LCOR: variants seen among roughly 807,000 people sequenced by gnomAD.
LCOR encodes the protein ligand dependent nuclear receptor corepressor, also known as ligand-dependent corepressor.
LCOR carries 14 observed loss-of-function variants against 64.4 expected under a neutral mutation model. That is an observed-to-expected ratio of 0.22 (90% CI 0.14 to 0.34). The LOEUF is 0.34. Among genes scored for constraint, LCOR ranks in the 10% least tolerant of loss-of-function variants. The probability of loss-of-function intolerance (pLI) is 1.00; values close to 1 mark genes in which losing one functional copy is unlikely to be tolerated. For synonymous variants in LCOR, 643 were observed against 642.5 expected, an observed-to-expected ratio of 1.00 and a Z score of -0.01; for missense variants, 1,686 against 1,765.3, an observed-to-expected ratio of 0.96 and a Z score of 0.80.
chr10:96,909,841 T>A (rs751570959), intron 4 of LCOR, among the ~76,000 whole-genome samples: 24 of 152,160 alleles, frequency 1.6e-4, no homozygotes, highest in Non-Finnish European at 3.1e-4. Flanking sequence ...TGAGTTAAAC[T>A]TCCAGTGAAA....
chr10:96,843,306 T>G (rs1443371085), intron 2 of LCOR, among the ~76,000 whole-genome samples: 1 of 152,130 alleles, frequency 6.6e-6, no homozygotes, highest in Non-Finnish European at 1.5e-5. Context: ...TGTTTTGTTT[T>G]GTTTTTGGTA....
intron 7 of LCOR, chr10:96,958,675 T>C (rs2134539798): frequency 2.1e-6 from 1 of 467,442 alleles, no homozygotes; most frequent in East Asian, 3.2e-5. Flanking sequence ...AGATCAGTCA[T>C]GACTTGATAT....
intron 4 of LCOR, among the ~76,000 whole-genome samples, chr10:96,920,227 G>T (rs1345410101): frequency 6.6e-6 from 1 of 151,578 alleles, no homozygotes. Context: ...TCTCGTTGTG[G>T]TTTTGGTTTG....
At chr10:96,891,530 C>CTTTTTTTTTTTTTT (rs71007307) in intron 2 of LCOR, among the ~76,000 whole-genome samples, 1 of 7,638 alleles carries the variant, frequency 1.3e-4, no homozygotes, top group African/African-American at 4.1e-4. Context: ...TGTCTTGACT[C>CTTTTTTTTTTTTTT]TTTTTTTTTT....
At chr10:96,955,947 G>C (rs532863252) in intron 7 of LCOR, 2 of 1,593,328 alleles carry the variant, frequency 1.3e-6, no homozygotes, top group East Asian at 4.5e-5. Context: ...GCCAATTACT[G>C]TACAAACTGG....
chr10:96,970,629 T>TTTTATTTTATTTTATTTTATTTTA (rs1386294952), intron 7 of LCOR, among the ~76,000 whole-genome samples: 2 of 114,820 alleles, frequency 1.7e-5, no homozygotes, highest in African/African-American at 8.6e-5. Context: ...ATTTTATTTA[T>TTTTATTTTATTTTATTTTATTTTA]TTTATTTTAT....
rs867233145 is a variant in LCOR, at chr10:96,897,873, T to A, written c.-329-9392T>A. ...GCTGGAGCAGAAAGCCATCTTTTTTTTTTTTTTTTTTTTGTTTGGTCAGAT... is the reference window on the plus strand; with the variant it reads ...GCTGGAGCAGAAAGCCATCTTTTTTATTTTTTTTTTTTTGTTTGGTCAGAT... On this transcript the variant is annotated intron_variant, in intron 2 of 7. Coordinates refer to ENST00000421806, the MANE Select transcript of LCOR (RefSeq NM_001346516.2). Among the ~76,000 whole-genome samples, 900 of 147,284 alleles carry A rather than the reference T, an allele frequency of 6.1e-3. 7 individuals carry two copies. Among genetic ancestry groups the A allele is most frequent in the African/African-American group, 0.021 (854 of 40,922 alleles).
At chr10:96,915,756 C>G in intron 4 of LCOR, 1 of 636,346 alleles carries the variant, frequency 1.6e-6, no homozygotes, top group Non-Finnish European at 3.0e-6. Context: ...GGTACCTTCT[C>G]TCCCTCCTTT....
intron 2 of LCOR, among the ~76,000 whole-genome samples, chr10:96,857,022 A>G (rs1005681935): frequency 6.6e-6 from 1 of 151,620 alleles, no homozygotes; most frequent in African/African-American, 2.4e-5. Context: ...CCATTCTCTT[A>G]CTCTTTTTTT....
chr10:96,897,759 G>A (rs12265203), intron 2 of LCOR, among the ~76,000 whole-genome samples: 9,332 of 151,658 alleles, frequency 0.062, 614 homozygotes, highest in East Asian at 0.28. Context: ...GCTGCTGTTT[G>A]TGGGCCAGCA....
chr10:96,835,554 T>G lies in LCOR; in HGVS notation c.-330+2075T>G, dbSNP rs557808491. ...AAGAACTTTCTATATTTAAAAGGACTGGCAGTGATCCTTAGGCAATTCAAA... is the reference window on the plus strand; with the variant it reads ...AAGAACTTTCTATATTTAAAAGGACGGGCAGTGATCCTTAGGCAATTCAAA... On this transcript the variant is annotated intron_variant, in intron 2 of 7. Coordinates refer to ENST00000421806, the MANE Select transcript of LCOR (RefSeq NM_001346516.2). 7.9e-5 allele frequency among the ~76,000 whole-genome samples: 12 copies of G among 152,324 alleles called. No homozygotes were observed. The East Asian group carries it at 2.1e-3, about 27-fold the overall frequency.
At position 96,989,674 on chromosome 10, in the gene LCOR, G is replaced by GAGATATATATATAT. The variant is rs1441244753; in HGVS notation, c.*4541_*4542insGATATATATATATA. On this transcript the variant is annotated 3_prime_UTR_variant, in exon 8 of 8. Coordinates refer to ENST00000421806, the MANE Select transcript of LCOR (RefSeq NM_001346516.2). ...CCTTTTCCAAAAACTCAAGGATAAGGATATATATATATATATATATATTTT... is the reference window on the plus strand; with the variant it reads ...CCTTTTCCAAAAACTCAAGGATAAGGAGATATATATATATATATATATATATATATATATATTTT... The GAGATATATATATAT allele has an allele frequency of 1.8e-5, 1 of 54,860 alleles. No individual in the cohort carries two copies. The highest frequency in any genetic ancestry group is 1.1e-4 in the African/African-American group (1 of 8,920). The allele number at this position is 54,860 out of a possible 1,614,324, so 3.4% of individuals were successfully genotyped here. A position where few individuals can be genotyped will look rare whatever the true frequency, so the allele number is the denominator to read the frequency against.
At chr10:96,904,799 TTTCA>T (rs1846700600) in intron 2 of LCOR, among the ~76,000 whole-genome samples, 1 of 152,188 alleles carries the variant, frequency 6.6e-6, no homozygotes, top group Admixed American at 6.5e-5. Flanking sequence ...CTTATTTGCC[TTTCA>T]TTAATGTCAA....
chr10:96,947,358 C>T (rs762693302), intron 5 of LCOR, among the ~76,000 whole-genome samples: 5 of 152,012 alleles, frequency 3.3e-5, no homozygotes, highest in Non-Finnish European at 5.9e-5. Flanking sequence ...TATTGAATAT[C>T]GTCCTTTCGG....
intron 4 of LCOR, among the ~76,000 whole-genome samples, chr10:96,920,753 C>T (rs868097839): frequency 0.11 from 11,965 of 104,686 alleles, 1,028 homozygotes; most frequent in African/African-American, 0.3. Flanking sequence ...TATATGTATA[C>T]ACACACACAC....
At chr10:96,943,193 T>C (rs771484106) in intron 4 of LCOR, among the ~76,000 whole-genome samples, 1 of 152,212 alleles carries the variant, frequency 6.6e-6, no homozygotes, top group African/African-American at 2.4e-5. Flanking sequence ...CCTCCTGGGT[T>C]CAAGCGATTC....
intron 7 of LCOR, chr10:96,961,402 C>A (rs1847878463): frequency 6.6e-6 from 1 of 151,918 alleles, no homozygotes; most frequent in African/African-American, 2.4e-5. Context: ...TGGAAATGAA[C>A]TCTTTTACCC....
intron 2 of LCOR, among the ~76,000 whole-genome samples, chr10:96,905,564 TTCTTC>T (rs1846713348): frequency 6.6e-6 from 1 of 152,110 alleles, no homozygotes; most frequent in Non-Finnish European, 1.5e-5. Context: ...ATCTAGCATT[TTCTTC>T]TCTTCTCTTA....
At chr10:96,962,508 G>A (rs1847897485) in intron 7 of LCOR, 2 of 152,108 alleles carry the variant, frequency 1.3e-5, no homozygotes, top group Admixed American at 1.3e-4. Context: ...GAGGGGGGAT[G>A]ATTAACTAGG....
Sources: allele counts gnomAD v4.1 joint callset (sites outside exome capture counted in the v4.1 genomes callset), GRCh38; gene constraint gnomAD v4.1.1; transcripts MANE v1.5; gene names NCBI Gene and HGNC (gene_info 2026-07-23, HGNC 2026-07-21).